Variants in LMNTD2 observed in about 807,000 individuals in gnomAD.
The protein encoded by LMNTD2 is lamin tail domain containing 2.
LMNTD2 carries 83 observed loss-of-function variants against 70.1 expected under a neutral mutation model. The ratio of observed to expected loss-of-function variants is 1.18; its 90% CI spans 0.99 to 1.42. LMNTD2 has a LOEUF of 1.42. Among genes scored for constraint, LMNTD2 ranks in the 40% most tolerant of loss-of-function variants. The pLI, the probability that LMNTD2 is intolerant of heterozygous loss-of-function variation, is 0.00. For synonymous variants in LMNTD2, 534 were observed against 406.1 expected (o/e 1.31, Z -3.79); for missense variants, 1,153 against 905.9 (o/e 1.27, Z -3.50).
In LMNTD2 at chr11:555,987, C is replaced by T. The variant is rs1225151644; in HGVS notation, c.1377+9G>A. On this transcript the variant is annotated intron_variant, in intron 11 of 13. Coordinates refer to ENST00000329451, the MANE Select transcript of LMNTD2 (RefSeq NM_173573.3). ...AGCCCCGGCCGCCCCACCGGGGACC[C>T]GCACCGACCTCGCCCTTGGGGCTCA... 7 of 1,557,932 alleles carry T rather than the reference C, an allele frequency of 4.5e-6. No individual in the cohort carries two copies. The highest frequency in any genetic ancestry group is 2.3e-5 in the South Asian group (2 of 86,792).
rs1488719749 is a variant in LMNTD2, at chr11:558,047, G to T, written c.400-8C>A. 4.4e-6 allele frequency: 7 copies of T among 1,581,370 alleles called. No homozygotes were observed. The Middle Eastern group carries it at 5.1e-4, about 115-fold the overall frequency. On this transcript the variant is annotated splice_polypyrimidine_tract_variant and splice_region_variant and intron_variant, in intron 4 of 13. Coordinates refer to ENST00000329451, the MANE Select transcript of LMNTD2 (RefSeq NM_173573.3). ...CTCCAGGTGCTCCTTCTCCTGCTCC[G>T]AGAGGGCCTGTGGTTGGTGGTGGGG...
chr11:559,027 C>T, intron 1 of LMNTD2, 48 bp from the exon 2 acceptor site: 1 of 1,585,502 alleles, frequency 6.3e-7, no homozygotes. Flanking sequence ...AACCTCCTGG[C>T]CAGACTTGGG....
rs769217438 is a variant in LMNTD2, at chr11:556,009, C to T, written c.1364G>A (p.Ser455Asn). The change falls in exon 11 of 14, where the codon AGC (serine) becomes AAC (asparagine). Residue 455 changes from serine to asparagine, a missense_variant. Physicochemically the swap from Ser to Asn is conservative, Grantham distance 46 (BLOSUM62 1). Transcript: ENST00000329451. ...ACCCGCACCGACCTCGCCCTTGGGG[C>T]TCAGGAGCAGCGTCGCGCAGCCGCG... is the stretch of plus-strand genomic sequence containing the variant. ...SIRGCATLLL[S>N]PKGEVLSEHR... The T allele has an allele frequency of 2.6e-6, 4 of 1,558,972 alleles. No individual in the cohort carries two copies. The highest frequency in any genetic ancestry group is 1.8e-5 in the Admixed American group (1 of 55,840).
In LMNTD2 at chr11:556,176, C is replaced by T. The variant is rs764268065; in HGVS notation, c.1257+16G>A. ...GGGCCGGGCCGTCGGGGCCGGGCTC[C>T]CGGGCCGGGGCGCACCGTGACGTGG... is the stretch of plus-strand genomic sequence containing the variant. On this transcript the variant is annotated intron_variant, in intron 10 of 13. Transcript: ENST00000329451. The T allele has an allele frequency of 1.1e-4, 153 of 1,331,986 alleles. No homozygotes were observed. In the African/African-American group the frequency reaches 2.2e-3, roughly 19 times the overall value. 82.5% of individuals were successfully genotyped at this position (1,331,986 alleles called of 1,614,324 possible). A position where few individuals can be genotyped will look rare whatever the true frequency, so the allele number is the denominator to read the frequency against.
Position 558,929 on chromosome 11 carries a change from C to T in LMNTD2, c.85G>A (p.Ala29Thr), listed in dbSNP as rs1447400135. The change falls in exon 2 of 14, where the codon GCC (alanine) becomes ACC (threonine). Residue 29 changes from alanine (A) to threonine (T), a missense_variant. Coordinates refer to ENST00000329451, the MANE Select transcript of LMNTD2 (RefSeq NM_173573.3). The part of the protein sequence containing the change: ...HLGPPAGAPA[A>T]PETPTCLPDT... ...GGCAGGCACGTGGGAGTCTCGGGGG[C>T]TGCAGGTGCGCCTGCTGGAGGTCCC... The T allele has an allele frequency of 6.2e-7, 1 of 1,607,984 alleles. No individual in the cohort carries two copies. Among genetic ancestry groups the T allele is most frequent in the Non-Finnish European group, 8.5e-7 (1 of 1,179,770 alleles).
In LMNTD2 at chr11:556,377, T is replaced by G; in HGVS notation, c.1074-2A>C. ...GCCACGATCTTCAGGCCTGTCGGGC[T>G]GGGAAGAGAGGAGACGCTGTGAGGA... On this transcript the variant is annotated splice_acceptor_variant, in intron 9 of 13. Coordinates refer to ENST00000329451, the MANE Select transcript of LMNTD2 (RefSeq NM_173573.3). LOFTEE classifies it high-confidence loss of function. The G allele has an allele frequency of 9.8e-6, 15 of 1,536,482 alleles. No individual in the cohort carries two copies. Among genetic ancestry groups the G allele is most frequent in the Non-Finnish European group, 1.3e-5 (15 of 1,145,760 alleles).
chr11:560,534 C>G, intron 1 of LMNTD2, 149 bp downstream of exon 1: 1 of 1,278,966 alleles, frequency 7.8e-7, no homozygotes, highest in Non-Finnish European at 1.0e-6. Context: ...AAAGGCTGGC[C>G]CGGGAAGCGA....
In LMNTD2 at chr11:556,211, G is replaced by C; in HGVS notation, c.1238C>G (p.Ala413Gly). The C allele has an allele frequency of 6.7e-7, 1 of 1,482,716 alleles. No homozygotes were observed. The allele number at this position is 1,482,716 out of a possible 1,614,324, so 91.8% of individuals were successfully genotyped here. A position where few individuals can be genotyped will look rare whatever the true frequency, so the allele number is the denominator to read the frequency against. Reference protein sequence around the residue: ...LYRFPPGTLLAPRHHVTVWGE... With the variant: ...LYRFPPGTLLGPRHHVTVWGE... ...GCGCACCGTGACGTGGTGCCGCGGG[G>C]CCAGCAGCGTGCCCGGCGGGAAGCG... The change falls in exon 10 of 14, where the codon GCC becomes GGC. Residue 413 changes from alanine to glycine, a missense_variant. Coordinates refer to ENST00000329451, the MANE Select transcript of LMNTD2 (RefSeq NM_173573.3).
In LMNTD2 at chr11:555,025, G is replaced by A. The variant is rs1436602051; in HGVS notation, c.1860C>T (p.Phe620=). The A allele has an allele frequency of 1.3e-6, 2 of 1,593,308 alleles. No homozygotes were observed. Among genetic ancestry groups the A allele is most frequent in the African/African-American group, 1.4e-5 (1 of 72,410 alleles). ...NTAESRFGFR[F]LSCLPVTADT... ...CCGCGGTGACCGGCAGGCAGCTGAG[G>A]AAGCGGAAGCCGAATCTGCTCTCCG... is the stretch of plus-strand genomic sequence containing the variant. The change falls in exon 14 of 14, where the codon TTC becomes TTT. Residue 620 remains phenylalanine, a synonymous_variant. Coordinates refer to ENST00000329451, the MANE Select transcript of LMNTD2 (RefSeq NM_173573.3).
chr11:556,412 G>A, intron 9 of LMNTD2, 37 bp from the exon 10 acceptor site: 1 of 1,541,436 alleles, frequency 6.5e-7, no homozygotes, highest in Non-Finnish European at 8.7e-7. Flanking sequence ...AGATGCGGCC[G>A]GTCCACCCGC....
chr11:556,738 G>A, intron 8 of LMNTD2, 97 bp downstream of exon 8: 1 of 1,438,646 alleles, frequency 7.0e-7, no homozygotes, highest in South Asian at 1.5e-5. Flanking sequence ...GGACCTTGGG[G>A]GCTGGAGGGC....
intron 1 of LMNTD2, 48 bp downstream of exon 1, chr11:560,635 T>C: frequency 3.0e-6 from 4 of 1,355,232 alleles, no homozygotes; most frequent in Non-Finnish European, 3.8e-6. Flanking sequence ...CCCGCCACAC[T>C]AGAAGGCTGC....
Position 555,847 on chromosome 11 carries a change from G to A in LMNTD2, c.1461C>T (p.Arg487=). 2 of 1,554,958 alleles carry A rather than the reference G, an allele frequency of 1.3e-6. No homozygotes were observed. The highest frequency in any genetic ancestry group is 1.7e-6 in the Non-Finnish European group (2 of 1,157,522). Reference sequence around the variant, plus strand: ...CGGGCCCGGCCTCAGGGAGCGGGAAGCGGTCGATGGACAAGTCGGTGCCGT... The same window carrying A: ...CGGGCCCGGCCTCAGGGAGCGGGAAACGGTCGATGGACAAGTCGGTGCCGT... ...FADGTDLSID[R]FPLPEAGPGA... is the part of the protein sequence containing the mutation. The change falls in exon 12 of 14, where the codon CGC becomes CGT. Residue 487 remains arginine (R), a synonymous_variant. Transcript: ENST00000329451.
chr11:555,195 A>AGGAGAGCGGAGGGGCGGGGC (rs1852746631), intron 13 of LMNTD2, 84 bp from the exon 14 acceptor site: 3 of 363,102 alleles, frequency 8.3e-6, no homozygotes, highest in South Asian at 1.6e-4. Flanking sequence ...AGGGGCGGGG[A>AGGAGAGCGGAGGGGCGGGGC]GGAGAGCGGA....
intron 13 of LMNTD2, 72 bp downstream of exon 13, chr11:555,233 G>T: frequency 1.8e-6 from 2 of 1,139,960 alleles, no homozygotes; most frequent in Non-Finnish European, 1.1e-6. Flanking sequence ...ACAGAGGGGA[G>T]GGAGGGGCGG....
chr11:559,845 G>C, intron 1 of LMNTD2: 4 of 820,410 alleles, frequency 4.9e-6, no homozygotes, highest in Non-Finnish European at 6.0e-6. Flanking sequence ...CGTTAACCTC[G>C]AATTCCTGGG....
chr11:554,888 T>G lies in LMNTD2; in HGVS notation c.*92A>C. ...AATGCGGTTTACTTTGTAGGCCACG[T>G]TGGTTCAATAAATGATGCAGCGGAC... On this transcript the variant is annotated 3_prime_UTR_variant, in exon 14 of 14. Coordinates refer to ENST00000329451, the MANE Select transcript of LMNTD2 (RefSeq NM_173573.3). 1 of 866,436 alleles carries G rather than the reference T, an allele frequency of 1.2e-6. No homozygotes were observed. Among genetic ancestry groups the G allele is most frequent in the Non-Finnish European group, 1.7e-6 (1 of 602,790 alleles). The allele number at this position is 866,436 out of a possible 1,614,324, so 53.7% of individuals were successfully genotyped here. A position where few individuals can be genotyped will look rare whatever the true frequency, so the allele number is the denominator to read the frequency against.
chr11:555,873 C>A lies in LMNTD2; in HGVS notation c.1435G>T (p.Asp479Tyr), dbSNP rs1451304055. The A allele has an allele frequency of 5.1e-6, 8 of 1,564,050 alleles. No individual in the cohort carries two copies. Among genetic ancestry groups the A allele is most frequent in the African/African-American group, 1.4e-5 (1 of 70,306 alleles). Residue 479 changes from aspartate to tyrosine, a missense_variant, in exon 12 of 14, where the codon GAC (aspartate) becomes TAC (tyrosine). Physicochemically the swap from Asp to Tyr is radical, Grantham distance 160. Transcript: ENST00000329451. ...RETPAPRVFA[D>Y]GTDLSIDRFP... ...CGGTCGATGGACAAGTCGGTGCCGTCGGCGAAGACCCTCGGGGCCGGAGTC... is the reference window on the plus strand; with the variant it reads ...CGGTCGATGGACAAGTCGGTGCCGTAGGCGAAGACCCTCGGGGCCGGAGTC...
chr11:555,310 C>G lies in LMNTD2; in HGVS notation c.1768G>C (p.Val590Leu), dbSNP rs780390220. 3 of 1,416,598 alleles carry G rather than the reference C, an allele frequency of 2.1e-6. No individual in the cohort carries two copies. The highest frequency in any genetic ancestry group is 3.0e-5 in the African/African-American group (2 of 66,094). 87.8% of individuals were successfully genotyped at this position (1,416,598 alleles called of 1,614,324 possible). A position where few individuals can be genotyped will look rare whatever the true frequency, so the allele number is the denominator to read the frequency against. The change falls in exon 13 of 14, where the codon GTT (valine) becomes CTT (leucine). Residue 590 changes from valine to leucine, a missense_variant. Coordinates refer to ENST00000329451, the MANE Select transcript of LMNTD2 (RefSeq NM_173573.3). ...EDCRLQKEHR[V>L]RVCRKSVDRS... Reference sequence around the variant, plus strand: ...ACCCGCAAGCGCGCACTCACCCGAACTCGGTGTTCTTTCTGGAGCCGACAG... The same window carrying G: ...ACCCGCAAGCGCGCACTCACCCGAAGTCGGTGTTCTTTCTGGAGCCGACAG...
Sources: gnomAD v4.1 joint callset for allele counts on GRCh38, gnomAD v4.1.1 for gene constraint, MANE v1.5 for transcripts, NCBI Gene and HGNC (gene_info 2026-07-23, HGNC 2026-07-21) for gene names.